GRK5: variants seen among roughly 807,000 people sequenced by gnomAD.
GRK5 encodes G protein-coupled receptor kinase 5, also known as g protein-coupled receptor kinase GRK5.
In GRK5, 40 loss-of-function variants were observed where a neutral mutation model predicts 78.4. The observed-to-expected ratio is 0.51, with a 90% confidence interval of 0.40 to 0.66. The LOEUF (loss-of-function observed/expected upper bound fraction) is 0.66. Ranked by LOEUF, GRK5 falls within the 30% of genes least tolerant of loss-of-function variation. GRK5 has a pLI of 0.00. For missense variants in GRK5, 598 were observed against 759.9 expected, an observed-to-expected ratio of 0.79 and a Z score of 2.50; for synonymous variants, 289 against 296.8, an observed-to-expected ratio of 0.97 and a Z score of 0.27.
chr10:119,402,907 A>G (rs1026373211), intron 4 of GRK5, among the ~76,000 whole-genome samples: 3 of 152,256 alleles, frequency 2.0e-5, no homozygotes, highest in Non-Finnish European at 4.4e-5. Flanking sequence ...ATCTATTGGT[A>G]TAATTCTCAT....
chr10:119,250,651 A>G (rs564774630), intron 1 of GRK5, among the ~76,000 whole-genome samples: 13 of 151,664 alleles, frequency 8.6e-5, no homozygotes, highest in African/African-American at 3.1e-4. Context: ...GCCTGGCCCT[A>G]CACCACATAT....
At chr10:119,269,861 T>G (rs1218052272) in intron 1 of GRK5, among the ~76,000 whole-genome samples, 3 of 145,696 alleles carry the variant, frequency 2.1e-5, no homozygotes, top group Non-Finnish European at 4.5e-5. Context: ...AAAAAGTTGC[T>G]GAGTTGGCTC....
chr10:119,293,742 G>T (rs1044772249), intron 1 of GRK5, among the ~76,000 whole-genome samples: 1 of 150,642 alleles, frequency 6.6e-6, no homozygotes, highest in African/African-American at 2.4e-5. Flanking sequence ...CCTCTGCCCC[G>T]AGGCAGCAGT....
Position 119,436,686 on chromosome 10 carries a change from A to G in GRK5, c.774A>G (p.Ala258=), listed in dbSNP as rs757357146. 2.5e-6 allele frequency: 4 copies of G among 1,614,098 alleles called. No homozygotes were observed. Among genetic ancestry groups the G allele is most frequent in the African/African-American group, 1.3e-5 (1 of 74,942 alleles). The change falls in exon 9 of 16, where the codon GCA becomes GCG. Residue 258 remains alanine (A), a synonymous_variant. Coordinates refer to ENST00000392870, the MANE Select transcript of GRK5 (RefSeq NM_005308.3). ...CCTATGCCTACGAGACCAAGGATGC[A>G]CTGTGCTTGGTCCTGACCATCATGA... ...NLAYAYETKD[A]LCLVLTIMNG... is the part of the protein sequence containing the mutation.
At chr10:119,318,173 G>T (rs1365991800) in intron 1 of GRK5, among the ~76,000 whole-genome samples, 3 of 152,148 alleles carry the variant, frequency 2.0e-5, no homozygotes, top group Non-Finnish European at 4.4e-5. Context: ...TGTCACCAGG[G>T]AGGAAAAGAA....
intron 1 of GRK5, among the ~76,000 whole-genome samples, chr10:119,255,103 AG>A (rs2133758439): frequency 1.3e-5 from 2 of 151,220 alleles, no homozygotes; most frequent in East Asian, 3.9e-4. Flanking sequence ...ATGTATGCGC[AG>A]GTAAGGTCGT....
At chr10:119,313,446 C>T (rs752280402) in intron 1 of GRK5, among the ~76,000 whole-genome samples, 63 of 152,160 alleles carry the variant, frequency 4.1e-4, no homozygotes, top group Middle Eastern at 3.4e-3. Flanking sequence ...TAATCCTTAA[C>T]AGAGCAATGC....
chr10:119,328,263 T>C (rs970216179), intron 2 of GRK5, among the ~76,000 whole-genome samples: 4 of 152,194 alleles, frequency 2.6e-5, no homozygotes, highest in African/African-American at 9.6e-5. Flanking sequence ...AGGGGCTGTG[T>C]TCCTGGGGCT....
In GRK5 at chr10:119,378,594, G is replaced by A. The variant is rs1291660333; in HGVS notation, c.149-2221G>A. 3.3e-5 allele frequency among the ~76,000 whole-genome samples: 5 copies of A among 152,246 alleles called. No individual in the cohort carries two copies. In the East Asian group the frequency reaches 7.7e-4, roughly 23 times the overall value. ...AGCGGAGTGCTGAGGCCGTGTCCCC[G>A]TGTGGTGAATAAATGCCCGGGAGGG... On this transcript the variant is annotated intron_variant, in intron 2 of 15. Coordinates refer to ENST00000392870, the MANE Select transcript of GRK5 (RefSeq NM_005308.3). This position sits in a 1 kb window ranked among gnomAD's most constrained non-coding sequence, Gnocchi z 4.5.
chr10:119,395,039 G>C lies in GRK5; in HGVS notation c.262-1656G>C, dbSNP rs982446809. On this transcript the variant is annotated intron_variant, in intron 3 of 15. Coordinates refer to ENST00000392870, the MANE Select transcript of GRK5 (RefSeq NM_005308.3). The stretch of plus-strand genomic sequence containing the variant: ...GAAGAGGAGTTGACCTCTGGGGAGA[G>C]GCTCTGCCCACGCGGCGCAGTGGGA... Among the ~76,000 whole-genome samples the C allele has an allele frequency of 1.6e-4, 23 of 146,618 alleles. 2 individuals carry two copies. Among genetic ancestry groups the C allele is most frequent in the Admixed American group, 4.5e-4 (6 of 13,470 alleles).
At chr10:119,308,106 T>C (rs1415623638) in intron 1 of GRK5, among the ~76,000 whole-genome samples, 1 of 152,068 alleles carries the variant, frequency 6.6e-6, no homozygotes. Flanking sequence ...CAGTGCGCCT[T>C]TGTAGGCCGA....
At chr10:119,280,806 G>T (rs1849750427) in intron 1 of GRK5, among the ~76,000 whole-genome samples, 1 of 127,070 alleles carries the variant, frequency 7.9e-6, no homozygotes, top group Non-Finnish European at 1.6e-5. Context: ...TTGAGACAGA[G>T]TCTCACTCTG....
At chr10:119,411,691 G>A (rs1002860379) in intron 4 of GRK5, among the ~76,000 whole-genome samples, 8 of 152,056 alleles carry the variant, frequency 5.3e-5, no homozygotes, top group East Asian at 1.9e-4. Context: ...TCAATTTCCC[G>A]GAAGTGCTTC....
intron 1 of GRK5, among the ~76,000 whole-genome samples, chr10:119,231,354 A>C (rs1304030763): frequency 6.6e-6 from 1 of 152,114 alleles, no homozygotes; most frequent in East Asian, 1.9e-4. Flanking sequence ...TTATAGAAAA[A>C]TTAAAAAATT....
intron 2 of GRK5, among the ~76,000 whole-genome samples, chr10:119,361,593 T>C (rs1404713276): frequency 6.6e-6 from 1 of 152,088 alleles, no homozygotes; most frequent in Non-Finnish European, 1.5e-5. Flanking sequence ...TGCACGCCAC[T>C]GAGGAGACGT....
chr10:119,345,915 CT>C (rs1232196126), intron 2 of GRK5, among the ~76,000 whole-genome samples: 1 of 151,720 alleles, frequency 6.6e-6, no homozygotes, highest in Non-Finnish European at 1.5e-5. Context: ...TTTGGTACAG[CT>C]GCATCCTCTG....
intron 3 of GRK5, among the ~76,000 whole-genome samples, chr10:119,392,840 C>G (rs1288115339): frequency 2.0e-5 from 3 of 152,344 alleles, no homozygotes; most frequent in Admixed American, 2.0e-4. Context: ...TACAGTTTAC[C>G]TTTCTTTTCA....
intron 1 of GRK5, among the ~76,000 whole-genome samples, chr10:119,313,128 A>ATGATGGTGG (rs1850411098): frequency 8.9e-6 from 1 of 112,090 alleles, no homozygotes; most frequent in African/African-American, 3.4e-5. Flanking sequence ...GATGGTGATG[A>ATGATGGTGG]TGGTAATGAT....
chr10:119,342,047 G>A (rs1445319983), intron 2 of GRK5, among the ~76,000 whole-genome samples: 2 of 151,970 alleles, frequency 1.3e-5, no homozygotes, highest in African/African-American at 4.8e-5. Flanking sequence ...CACCGGCACA[G>A]CTGTCATGTC....
Sources: gnomAD v4.1 joint callset for allele counts (sites outside exome capture counted in the v4.1 genomes callset) on GRCh38, gnomAD v4.1.1 for gene constraint, Gnocchi (gnomAD v3.1) non-coding constraint, MANE v1.5 for transcripts, NCBI Gene and HGNC (gene_info 2026-07-23, HGNC 2026-07-21) for gene names.